Variants in ZHX3 observed in about 807,000 individuals in gnomAD.
ZHX3 encodes the protein zinc fingers and homeoboxes 3.
Under a neutral mutation model 64.5 loss-of-function variants are expected in ZHX3, and 20 were observed. The observed-to-expected ratio is 0.31, with a 90% CI of 0.22 to 0.45. The LOEUF (loss-of-function observed/expected upper bound fraction) is 0.45, where lower values mean the gene tolerates loss of function less well. Ranked by LOEUF, ZHX3 falls within the 20% of genes least tolerant of loss-of-function variation. The probability of loss-of-function intolerance (pLI) is 1.00; values close to 1 mark genes in which losing one functional copy is unlikely to be tolerated. For synonymous variants in ZHX3, 423 were observed against 461.6 expected (o/e 0.92, Z 1.07); for missense variants, 1,041 against 1,195.8 (o/e 0.87, Z 1.91).
intron 2 of ZHX3, among the ~76,000 whole-genome samples, chr20:41,253,164 T>G (rs1371972708): frequency 2.6e-5 from 4 of 152,054 alleles, no homozygotes; most frequent in Middle Eastern, 6.3e-3. Flanking sequence ...TGCAAATACT[T>G]TAGCGTATAT....
intron 3 of ZHX3, chr20:41,188,348 G>A (rs187176833): frequency 6.0e-5 from 9 of 150,724 alleles, no homozygotes; most frequent in African/African-American, 2.2e-4. Flanking sequence ...TATTGGCCAT[G>A]TGTATGTCTT....
rs1169746866 is a variant in ZHX3 at position 41,228,529 on chromosome 20, G to A, written c.-150-23463C>T. ...GAAGGTGCTGGCATATTCAGTGTCT[G>A]GTGAGGGCCTACTTCCTCATAGACA... On this transcript the variant is annotated intron_variant, in intron 2 of 3. Transcript: ENST00000683867. The surrounding 1 kb of genome is among the most constrained non-coding windows in gnomAD (Gnocchi z 4.6). 6.6e-6 allele frequency among the ~76,000 whole-genome samples: 1 copy of A among 152,148 alleles called. No individual in the cohort carries two copies. Among genetic ancestry groups the A allele is most frequent in the Non-Finnish European group, 1.5e-5 (1 of 68,024 alleles).
intron 1 of ZHX3, among the ~76,000 whole-genome samples, chr20:41,314,441 A>G (rs1033101246): frequency 2.0e-5 from 3 of 152,270 alleles, no homozygotes; most frequent in Non-Finnish European, 4.4e-5. Flanking sequence ...AAAACACATT[A>G]AAGCTATAAT....
At chr20:41,314,945 C>G (rs1301966784) in intron 1 of ZHX3, among the ~76,000 whole-genome samples, 3 of 152,166 alleles carry the variant, frequency 2.0e-5, no homozygotes, top group Non-Finnish European at 4.4e-5. Flanking sequence ...TCTCACACTT[C>G]AGGGTTAATG....
In ZHX3 at chr20:41,204,719, A is replaced by G. The variant is rs776760471; in HGVS notation, c.198T>C (p.Asn66=). 3.1e-6 allele frequency: 5 copies of G among 1,614,132 alleles called. No individual in the cohort carries two copies. The highest frequency in any genetic ancestry group is 4.2e-6 in the Non-Finnish European group (5 of 1,180,052). The change falls in exon 3 of 4, where the codon AAT becomes AAC. Residue 66 remains asparagine, a synonymous_variant. Coordinates refer to ENST00000683867, the MANE Select transcript of ZHX3 (RefSeq NM_001384317.1). The surrounding 1 kb of genome is among the most constrained non-coding windows in gnomAD (Gnocchi z 6.6). The part of the protein sequence containing the change: ...PSSTDGSTLA[N]GHRSTLDGYL... ...AGCCATCTAAAGTGCTCCGATGCCC[A>G]TTGGCCAGTGTAGAGCCATCAGTAC...
intron 2 of ZHX3, among the ~76,000 whole-genome samples, chr20:41,220,622 T>C (rs1321998410): frequency 2.0e-5 from 3 of 152,190 alleles, no homozygotes; most frequent in Non-Finnish European, 4.4e-5. Flanking sequence ...GAGGTGATTC[T>C]AGGTATACAA....
intron 2 of ZHX3, among the ~76,000 whole-genome samples, chr20:41,245,704 C>A (rs775682949): frequency 1.3e-5 from 2 of 152,220 alleles, no homozygotes; most frequent in Non-Finnish European, 2.9e-5. Context: ...GGGAAATGTG[C>A]TACAGCTCCA....
rs118179337 is a variant in ZHX3 at position 41,247,547 on chromosome 20, C to T, written c.-151+21443G>A. ...AAGTATCTTTAACAGGCATTAAGTG[C>T]CTGTTAAGTGTCTTTAACAGGAGAA... On this transcript the variant is annotated intron_variant, in intron 2 of 3. Transcript: ENST00000683867. Among the ~76,000 whole-genome samples, 621 of 152,196 alleles carry T rather than the reference C, an allele frequency of 4.1e-3. 3 individuals are homozygous for T. Among genetic ancestry groups the T allele is most frequent in the South Asian group, 0.015 (74 of 4,814 alleles).
At chr20:41,247,868 C>T (rs560482388) in intron 2 of ZHX3, among the ~76,000 whole-genome samples, 64 of 152,298 alleles carry the variant, frequency 4.2e-4, no homozygotes, top group Non-Finnish European at 6.9e-4. Flanking sequence ...GTCCAACCCA[C>T]CCTTTCTGAA....
At chr20:41,270,557 TC>T (rs890873454) in intron 1 of ZHX3, among the ~76,000 whole-genome samples, 102 of 151,618 alleles carry the variant, frequency 6.7e-4, no homozygotes, top group African/African-American at 2.3e-3. Flanking sequence ...GCACCTGTAG[TC>T]CCAGCTACTC....
chr20:41,286,154 A>T (rs1224339394), intron 1 of ZHX3, among the ~76,000 whole-genome samples: 25 of 152,206 alleles, frequency 1.6e-4, no homozygotes, highest in Admixed American at 1.6e-3. Context: ...ATTATTGAAA[A>T]CATTAAAAAT....
rs563188149 is a variant in ZHX3, at chr20:41,198,596, G to A, written c.2860+3461C>T. 1.2e-4 allele frequency among the ~76,000 whole-genome samples: 18 copies of A among 151,626 alleles called. No individual in the cohort carries two copies. In the South Asian group the frequency reaches 2.1e-3, roughly 18 times the overall value. ...AATCTTGTCAAAAATTCTGTGTGAC[G>A]AGTTGCTTCTCTCTTGCTGCTTTCA... On this transcript the variant is annotated intron_variant, in intron 3 of 3. Coordinates refer to ENST00000683867, the MANE Select transcript of ZHX3 (RefSeq NM_001384317.1).
At position 41,226,503 on chromosome 20, in the gene ZHX3, G is replaced by T. The variant is rs1340057916; in HGVS notation, c.-150-21437C>A. Among the ~76,000 whole-genome samples, 1 of 152,034 alleles carries T rather than the reference G, an allele frequency of 6.6e-6. No homozygotes were observed. The highest frequency in any genetic ancestry group is 1.5e-5 in the Non-Finnish European group (1 of 68,008). On this transcript the variant is annotated intron_variant, in intron 2 of 3. Coordinates refer to ENST00000683867, the MANE Select transcript of ZHX3 (RefSeq NM_001384317.1). The surrounding 1 kb of genome is among the most constrained non-coding windows in gnomAD (Gnocchi z 4.4). ...TGTGAATAATGCTGCAGTGAATATG[G>T]GTGTGCAAATATCTCTTTGGGATCT...
In ZHX3 at chr20:41,204,549, C is replaced by T; in HGVS notation, c.368G>A (p.Gly123Glu). The change falls in exon 3 of 4, where the codon GGG (glycine) becomes GAG (glutamate). Residue 123 changes from glycine to glutamate, a missense_variant. This residue lies in a region of ZHX3 where 358 missense variants were observed against 369.1 expected (regional missense o/e 0.97). Coordinates refer to ENST00000683867, the MANE Select transcript of ZHX3 (RefSeq NM_001384317.1). The surrounding 1 kb of genome is among the most constrained non-coding windows in gnomAD (Gnocchi z 6.6). ...GCSFLAKTPE[G>E]LSLHNATCHS... ...ACATGTGGCATTGTGCAAGGAAAGC[C>T]CCTCAGGGGTTTTTGCCAGAAAACT... The T allele has an allele frequency of 6.2e-7, 1 of 1,614,148 alleles. No individual in the cohort carries two copies. The highest frequency in any genetic ancestry group is 8.5e-7 in the Non-Finnish European group (1 of 1,180,034).
Position 41,313,691 on chromosome 20 carries a change from G to C in ZHX3, c.-245+3818C>G, listed in dbSNP as rs148779067. The stretch of plus-strand genomic sequence containing the variant: ...CAGCTCACTGCAGGCTCCGCCTCCT[G>C]GGTTCACGCCATTCTCCTGCCTCAG... On this transcript the variant is annotated intron_variant, in intron 1 of 3. Transcript: ENST00000683867. Among the ~76,000 whole-genome samples, 715 of 143,772 alleles carry C rather than the reference G, an allele frequency of 5.0e-3. 7 individuals are homozygous for C. The highest frequency in any genetic ancestry group is 0.021 in the East Asian group (98 of 4,646). The allele number at this position is 143,772 out of a possible 152,430, so 94.3% of individuals were successfully genotyped here.
intron 1 of ZHX3, among the ~76,000 whole-genome samples, chr20:41,300,303 T>G (rs2044754573): frequency 6.6e-6 from 1 of 152,186 alleles, no homozygotes; most frequent in Non-Finnish European, 1.5e-5. Context: ...CATTTTTTTT[T>G]CCTTTCAGAA....
rs544011533 is a variant in ZHX3 at position 41,260,248 on chromosome 20, A to T, written c.-151+8742T>A. Among the ~76,000 whole-genome samples the T allele has an allele frequency of 2.4e-3, 363 of 152,338 alleles. 1 individual carries two copies. Among genetic ancestry groups the T allele is most frequent in the African/African-American group, 8.3e-3 (344 of 41,590 alleles). On this transcript the variant is annotated intron_variant, in intron 2 of 3. Coordinates refer to ENST00000683867, the MANE Select transcript of ZHX3 (RefSeq NM_001384317.1). Reference sequence around the variant, plus strand: ...TTAAATAGTTTTGAAGTTCTGGCCAATGCAGCAAGACAGCTGAAATAAGGT... The same window carrying T: ...TTAAATAGTTTTGAAGTTCTGGCCATTGCAGCAAGACAGCTGAAATAAGGT...
chr20:41,284,168 A>G (rs1275211541), intron 1 of ZHX3, among the ~76,000 whole-genome samples: 1 of 152,206 alleles, frequency 6.6e-6, no homozygotes, highest in Non-Finnish European at 1.5e-5. Flanking sequence ...TAATTACTTA[A>G]GAAGGAATAC....
At chr20:41,197,155 A>T (rs1211184770) in intron 3 of ZHX3, 2 of 211,662 alleles carry the variant, frequency 9.4e-6, no homozygotes, top group Admixed American at 8.4e-5. Context: ...AACTGGGATC[A>T]TCTTGGCTGA....
Sources: allele counts gnomAD v4.1 joint callset (sites outside exome capture counted in the v4.1 genomes callset), GRCh38; gene constraint gnomAD v4.1.1; regional missense constraint gnomAD v4.1.1; non-coding constraint Gnocchi (gnomAD v3.1); transcripts MANE v1.5; gene names NCBI Gene and HGNC (gene_info 2026-07-23, HGNC 2026-07-21).